The following TENM2 variants were observed in gnomAD, a reference collection of about 807,000 sequenced individuals.
TENM2 encodes the protein teneurin transmembrane protein 2.
In TENM2, 52 loss-of-function variants were observed where a neutral mutation model predicts 245.2. The ratio of observed to expected loss-of-function variants is 0.21; its 90% CI spans 0.17 to 0.27. The LOEUF is 0.27. Ranked by LOEUF, TENM2 falls within the 10% of genes least tolerant of loss-of-function variation. TENM2 has a pLI of 1.00. For missense variants in TENM2, 3,046 were observed against 3,666.8 expected (o/e 0.83, Z 4.37); for synonymous variants, 1,363 against 1,438.9 (o/e 0.95, Z 1.19).
chr5:167,994,145 T>C (rs1424604331), intron 5 of TENM2, among the ~76,000 whole-genome samples: 1 of 152,262 alleles, frequency 6.6e-6, no homozygotes. Context: ...TTTGAAACAC[T>C]TGATGCTTGT....
At chr5:167,722,155 TG>T (rs1433900009) in intron 2 of TENM2, among the ~76,000 whole-genome samples, 1 of 152,192 alleles carries the variant, frequency 6.6e-6, no homozygotes, top group Non-Finnish European at 1.5e-5. Flanking sequence ...GAAGCTCAAC[TG>T]AGTGACTTCT....
At chr5:167,887,326 G>A (rs1774367054) in intron 3 of TENM2, among the ~76,000 whole-genome samples, 1 of 152,238 alleles carries the variant, frequency 6.6e-6, no homozygotes, top group African/African-American at 2.4e-5. Context: ...AGCACATGGT[G>A]CAGGTAGAGA....
intron 2 of TENM2, among the ~76,000 whole-genome samples, chr5:167,734,157 A>G (rs1760635620): frequency 6.6e-6 from 1 of 152,184 alleles, no homozygotes; most frequent in Admixed American, 6.5e-5. Context: ...GAAAATGCAG[A>G]TGGAGCAAGG....
chr5:168,073,348 A>G (rs561587336), intron 7 of TENM2, among the ~76,000 whole-genome samples: 1 of 152,292 alleles, frequency 6.6e-6, no homozygotes, highest in Non-Finnish European at 1.5e-5. Context: ...CACAAGGTGA[A>G]TCTTTGAGGG....
chr5:167,297,952 G>A (rs2127730401), intron 1 of TENM2, among the ~76,000 whole-genome samples: 1 of 152,246 alleles, frequency 6.6e-6, no homozygotes, highest in African/African-American at 2.4e-5. Flanking sequence ...GTGGTGGAAT[G>A]TCATCAGTTA....
rs1313399523 is a variant in TENM2 at position 168,244,479 on chromosome 5, C to T, written c.5580C>T (p.Ile1860=). The change falls in exon 26 of 29, where the codon ATC becomes ATT. Residue 1860 remains isoleucine (I), a synonymous_variant. Coordinates refer to ENST00000518659, the Ensembl canonical transcript of TENM2. The surrounding 1 kb of genome is among the most constrained non-coding windows in gnomAD (Gnocchi z 4.9). ...ATCGAAATATTCGGACTGAAAAGAT[C>T]TATGATGACCACCGGAAGTTCACCC... The T allele has an allele frequency of 6.2e-7, 1 of 1,603,872 alleles. No individual in the cohort carries two copies. The highest frequency in any genetic ancestry group is 1.3e-5 in the African/African-American group (1 of 74,684).
chr5:167,183,641 G>C, the TENM2 span, among the ~76,000 whole-genome samples: 2 of 152,116 alleles, frequency 1.3e-5, no homozygotes, highest in Admixed American at 1.3e-4. Flanking sequence ...AGAAAAATAA[G>C]AGATCAACCA....
chr5:167,809,152 A>G (rs1281187783), intron 2 of TENM2, among the ~76,000 whole-genome samples: 1 of 152,184 alleles, frequency 6.6e-6, no homozygotes, highest in African/African-American at 2.4e-5. Context: ...GGGACAGAAA[A>G]GAACCAAGAT....
intron 5 of TENM2, among the ~76,000 whole-genome samples, chr5:168,033,813 G>A (rs181540137): frequency 6.6e-6 from 1 of 151,968 alleles, no homozygotes; most frequent in African/African-American, 2.4e-5. Context: ...GATCACTTGA[G>A]GTCAGGAGTT....
At chr5:168,233,365 T>G (rs1162689905) in intron 25 of TENM2, among the ~76,000 whole-genome samples, 2 of 151,770 alleles carry the variant, frequency 1.3e-5, no homozygotes, top group Non-Finnish European at 1.5e-5. Context: ...ATCTGTGAGC[T>G]CCATAAGTGC....
chr5:167,907,315 A>C (rs1402606957), intron 3 of TENM2, among the ~76,000 whole-genome samples: 1 of 151,540 alleles, frequency 6.6e-6, no homozygotes, highest in Non-Finnish European at 1.5e-5. Context: ...TTGAAATACT[A>C]TATTCCATAC....
the TENM2 span, among the ~76,000 whole-genome samples, chr5:167,276,350 TTTTGTGTGTGTGTGTGTGTG>T: frequency 2.1e-3 from 299 of 143,714 alleles, 2 homozygotes; most frequent in African/African-American, 7.3e-3. Context: ...AGCCTGTTCA[TTTTGTGTGTGTGTGTGTGTG>T]TGTGTGTGTG....
At chr5:167,347,782 A>G (rs1045526882) in intron 1 of TENM2, among the ~76,000 whole-genome samples, 4 of 151,772 alleles carry the variant, frequency 2.6e-5, no homozygotes, top group Admixed American at 1.3e-4. Context: ...AAAACCTTCT[A>G]TTTATATACC....
At chr5:167,720,496 TC>T (rs1416832910) in intron 2 of TENM2, among the ~76,000 whole-genome samples, 1 of 152,184 alleles carries the variant, frequency 6.6e-6, no homozygotes, top group Admixed American at 6.5e-5. Flanking sequence ...TACAACCTTT[TC>T]CTTAGTAGGC....
At chr5:167,635,023 A>C (rs1385004311) in intron 2 of TENM2, among the ~76,000 whole-genome samples, 1 of 152,202 alleles carries the variant, frequency 6.6e-6, no homozygotes, top group African/African-American at 2.4e-5. Flanking sequence ...GGGTACCCCT[A>C]CAGGCTTAAA....
intron 2 of TENM2, among the ~76,000 whole-genome samples, chr5:167,859,512 G>T (rs1771490541): frequency 9.1e-6 from 1 of 110,400 alleles, no homozygotes; most frequent in Non-Finnish European, 1.9e-5. Flanking sequence ...GAGATGGGGG[G>T]GTCAGCCCCC....
intron 1 of TENM2, among the ~76,000 whole-genome samples, chr5:167,350,803 G>A (rs1311797920): frequency 1.4e-4 from 17 of 124,498 alleles, no homozygotes; most frequent in South Asian, 5.3e-4. Context: ...ATATATATAT[G>A]GGATATATAC....
the TENM2 span, among the ~76,000 whole-genome samples, chr5:166,992,508 A>C: frequency 6.6e-6 from 1 of 152,202 alleles, no homozygotes; most frequent in African/African-American, 2.4e-5. Context: ...GAGGGTTACA[A>C]ATAAATGGTC....
At chr5:167,036,743 T>G in the TENM2 span, among the ~76,000 whole-genome samples, 1 of 152,154 alleles carries the variant, frequency 6.6e-6, no homozygotes, top group East Asian at 1.9e-4. Context: ...TCTGGGATAT[T>G]ATAGTTGTCT....
Sources: gnomAD v4.1 joint callset for allele counts (sites outside exome capture counted in the v4.1 genomes callset) on GRCh38, gnomAD v4.1.1 for gene constraint, Gnocchi (gnomAD v3.1) non-coding constraint, MANE v1.5 for transcripts, NCBI Gene and HGNC (gene_info 2026-07-23, HGNC 2026-07-21) for gene names.